Variants in RAI1 observed in about 807,000 individuals in gnomAD.
RAI1 encodes the protein retinoic acid induced 1, also known as retinoic acid-induced protein 1.
Under a neutral mutation model 123.8 loss-of-function variants are expected in RAI1, and 9 were observed. The ratio of observed to expected loss-of-function variants is 0.07; its 90% CI spans 0.04 to 0.13. The LOEUF (loss-of-function observed/expected upper bound fraction) is 0.13. RAI1 is among the 10% of genes least tolerant of loss of function. The probability of loss-of-function intolerance (pLI) is 1.00; values close to 1 mark genes in which losing one functional copy is unlikely to be tolerated. For missense variants in RAI1, 2,256 were observed against 2,545.8 expected, an observed-to-expected ratio of 0.89 and a Z score of 2.45; for synonymous variants, 1,231 against 1,127.3, an observed-to-expected ratio of 1.09 and a Z score of -1.84.
intron 1 of RAI1, among the ~76,000 whole-genome samples, chr17:17,690,407 G>C (rs1468617739): frequency 6.7e-6 from 1 of 149,516 alleles, no homozygotes; most frequent in Non-Finnish European, 1.5e-5. Context: ...AAAAAAAAAG[G>C]AATTTCAGTC....
chr17:17,700,673 A>T (rs1165319396), intron 1 of RAI1, among the ~76,000 whole-genome samples: 1 of 151,992 alleles, frequency 6.6e-6, no homozygotes, highest in Non-Finnish European at 1.5e-5. Flanking sequence ...GGCCTCCGCG[A>T]GGCCGGGCCT....
rs892148305 is a variant in RAI1 at position 17,809,278 on chromosome 17, T to C, written c.5660-112T>C. 8 of 903,910 alleles carry C rather than the reference T, an allele frequency of 8.9e-6. No homozygotes were observed. The African/African-American group carries it at 1.1e-4, about 13-fold the overall frequency. 56.0% of individuals were successfully genotyped at this position (903,910 alleles called of 1,614,324 possible). On this transcript the variant is annotated intron_variant, in intron 4 of 5. Transcript: ENST00000353383. The surrounding 1 kb of genome is among the most constrained non-coding windows in gnomAD (Gnocchi z 4.9). ...TGATTAACTCTTTGAAAAGAGCCCC[T>C]GCAGTCTGGAGCCTCGCGGGCAGTG... is the stretch of plus-strand genomic sequence containing the variant.
rs865874198 is a variant in RAI1, at chr17:17,796,702, A to G, written c.3754A>G (p.Ser1252Gly). ...CCGCAGCAGCAGCAGCAGCAACGCCAGTGGCAATGGGGGAGATGGGAAGGA... is the reference window on the plus strand; with the variant it reads ...CCGCAGCAGCAGCAGCAGCAACGCCGGTGGCAATGGGGGAGATGGGAAGGA... ...RSRSSSSSNA[S>G]GNGGDGKEER... The change falls in exon 3 of 6, where the codon AGT becomes GGT. Residue 1252 changes from serine to glycine, a missense_variant. By Grantham distance (56) the Ser-to-Gly change is moderately conservative. Coordinates refer to ENST00000353383, the MANE Select transcript of RAI1 (RefSeq NM_030665.4). This position sits in a 1 kb window ranked among gnomAD's most constrained non-coding sequence, Gnocchi z 5.8. 8.7e-6 allele frequency: 14 copies of G among 1,613,398 alleles called. No individual in the cohort carries two copies. Among genetic ancestry groups the G allele is most frequent in the African/African-American group, 2.7e-5 (2 of 75,024 alleles).
chr17:17,780,147 C>T (rs1205615786), intron 2 of RAI1, among the ~76,000 whole-genome samples: 1 of 148,072 alleles, frequency 6.8e-6, no homozygotes, highest in Admixed American at 6.9e-5. Context: ...CTCACTGCAA[C>T]CTCCGCCTCC....
At chr17:17,700,519 C>T (rs951550761) in intron 1 of RAI1, among the ~76,000 whole-genome samples, 4 of 152,150 alleles carry the variant, frequency 2.6e-5, no homozygotes, top group Admixed American at 2.0e-4. Context: ...TGGCTGCGAA[C>T]GCGCGGGTTT....
At position 17,718,533 on chromosome 17, in the gene RAI1, G is replaced by A. The variant is rs1915781106; in HGVS notation, c.-148-5495G>A. On this transcript the variant is annotated intron_variant, in intron 1 of 5. Coordinates refer to ENST00000353383, the MANE Select transcript of RAI1 (RefSeq NM_030665.4). ...GAAGGACCATGCCAGCCCCATGTGG[G>A]CAGGGATGCCTGTTCTGTTCCCTGC... 3.3e-5 allele frequency among the ~76,000 whole-genome samples: 5 copies of A among 152,160 alleles called. 1 individual carries two copies.
At chr17:17,709,322 G>A (rs1915490927) in intron 1 of RAI1, among the ~76,000 whole-genome samples, 1 of 152,134 alleles carries the variant, frequency 6.6e-6, no homozygotes, top group Non-Finnish European at 1.5e-5. Flanking sequence ...GCCGTATCAA[G>A]GGGCGATACT....
chr17:17,810,609 C>T lies in RAI1; in HGVS notation c.*628C>T. On this transcript the variant is annotated 3_prime_UTR_variant, in exon 6 of 6. Coordinates refer to ENST00000353383, the MANE Select transcript of RAI1 (RefSeq NM_030665.4). The surrounding 1 kb of genome is among the most constrained non-coding windows in gnomAD (Gnocchi z 4.6). ...AGGGGCCTTCCCGCCCAGCCTTTGCCAGATCTCTCGTGCGGTTCGGGCAAA... is the reference window on the plus strand; with the variant it reads ...AGGGGCCTTCCCGCCCAGCCTTTGCTAGATCTCTCGTGCGGTTCGGGCAAA... The T allele has an allele frequency of 3.0e-6, 1 of 328,734 alleles. No individual in the cohort carries two copies. The highest frequency in any genetic ancestry group is 2.2e-5 in the South Asian group (1 of 45,548). The allele number at this position is 328,734 out of a possible 1,614,324, so 20.4% of individuals were successfully genotyped here. A position where few individuals can be genotyped will look rare whatever the true frequency, so the allele number is the denominator to read the frequency against.
intron 2 of RAI1, among the ~76,000 whole-genome samples, chr17:17,725,261 C>CG (rs779002562): frequency 2.9e-3 from 436 of 152,256 alleles, no homozygotes; most frequent in Non-Finnish European, 4.8e-3. Context: ...CAACCTCAGC[C>CG]TCCTCCCCTC....
At position 17,809,993 on chromosome 17, in the gene RAI1, A is replaced by T. The variant is rs1231561691; in HGVS notation, c.*12A>T. ...AGAGGCTGCCGTAGTAATCCACCCC[A>T]ACGGCCGGAGGAGCCGCCGGAGCCC... On this transcript the variant is annotated 3_prime_UTR_variant, in exon 6 of 6. Coordinates refer to ENST00000353383, the MANE Select transcript of RAI1 (RefSeq NM_030665.4). The surrounding 1 kb of genome is among the most constrained non-coding windows in gnomAD (Gnocchi z 4.9). 5.8e-6 allele frequency: 9 copies of T among 1,548,064 alleles called. No homozygotes were observed. The highest frequency in any genetic ancestry group is 8.7e-7 in the Non-Finnish European group (1 of 1,147,116).
At chr17:17,681,848 G>C in intron 1 of RAI1, 55 bp downstream of exon 1, 1 of 256,356 alleles carries the variant, frequency 3.9e-6, no homozygotes, top group Non-Finnish European at 7.5e-6. Context: ...CCCGGGGCGG[G>C]GGCGGCGCGA....
chr17:17,795,737 C>T lies in RAI1; in HGVS notation c.2789C>T (p.Pro930Leu). 3.1e-6 allele frequency: 5 copies of T among 1,613,482 alleles called. No individual in the cohort carries two copies. Among genetic ancestry groups the T allele is most frequent in the Non-Finnish European group, 4.2e-6 (5 of 1,180,024 alleles). ...GGGGAGTCCGTCATCCTGCTGGGCC[C>T]TACAGTGGGCACCGAGTCAAAGGTC... ...LSGESVILLG[P>L]TVGTESKVQS... The change falls in exon 3 of 6, where the codon CCT becomes CTT. Residue 930 changes from proline (P) to leucine (L), a missense_variant. Coordinates refer to ENST00000353383, the MANE Select transcript of RAI1 (RefSeq NM_030665.4). The surrounding 1 kb of genome is among the most constrained non-coding windows in gnomAD (Gnocchi z 5.9).
At chr17:17,798,776 A>T (rs1464099983) in intron 3 of RAI1, among the ~76,000 whole-genome samples, 2 of 151,810 alleles carry the variant, frequency 1.3e-5, no homozygotes, top group Non-Finnish European at 2.9e-5. Flanking sequence ...CCACTCTCCC[A>T]CTCACCTGGC....
intron 1 of RAI1, among the ~76,000 whole-genome samples, chr17:17,697,934 C>T (rs1915091444): frequency 6.6e-6 from 1 of 152,218 alleles, no homozygotes; most frequent in Admixed American, 6.5e-5. Context: ...CTCTCTCACC[C>T]ACTTTTCATC....
At chr17:17,741,015 C>T (rs1341127987) in intron 2 of RAI1, among the ~76,000 whole-genome samples, 1 of 151,996 alleles carries the variant, frequency 6.6e-6, no homozygotes, top group Admixed American at 6.6e-5. Flanking sequence ...CATACCTGAG[C>T]CGAGACACCA....
intron 2 of RAI1, among the ~76,000 whole-genome samples, chr17:17,774,008 A>G (rs539655092): frequency 6.6e-6 from 1 of 152,318 alleles, no homozygotes; most frequent in Non-Finnish European, 1.5e-5. Context: ...TTACTTACCT[A>G]CTATAGTGCT....
At position 17,798,192 on chromosome 17, in the gene RAI1, C is replaced by T. The variant is rs759411558; in HGVS notation, c.5244C>T (p.Ala1748=). Reference sequence around the variant, plus strand: ...TCAAAGGTCCCGAGTGTGCAGCTGCCGCCACTGCCGGGAAGCCCCCCAGGC... The same window carrying T: ...TCAAAGGTCCCGAGTGTGCAGCTGCTGCCACTGCCGGGAAGCCCCCCAGGC... The part of the protein sequence containing the change: ...RTLKGPECAA[A]ATAGKPPRPD... The change falls in exon 3 of 6, where the codon GCC becomes GCT. Residue 1748 remains alanine (A), a synonymous_variant. Coordinates refer to ENST00000353383, the MANE Select transcript of RAI1 (RefSeq NM_030665.4). 1.7e-5 allele frequency: 28 copies of T among 1,612,554 alleles called. 1 individual carries two copies. The Middle Eastern group carries it at 6.6e-4, about 38-fold the overall frequency.
At chr17:17,758,832 G>T (rs952998128) in intron 2 of RAI1, among the ~76,000 whole-genome samples, 1 of 152,152 alleles carries the variant, frequency 6.6e-6, no homozygotes, top group African/African-American at 2.4e-5. Flanking sequence ...GTGTGTTCTG[G>T]ACAGAGGGAC....
chr17:17,785,575 T>C (rs891116153), intron 2 of RAI1, among the ~76,000 whole-genome samples: 1 of 151,948 alleles, frequency 6.6e-6, no homozygotes, highest in African/African-American at 2.4e-5. Context: ...CCCAGGAGAG[T>C]TGGGGTGGCG....
Sources: gnomAD v4.1 joint callset for allele counts (sites outside exome capture counted in the v4.1 genomes callset) on GRCh38, gnomAD v4.1.1 for gene constraint, Gnocchi (gnomAD v3.1) non-coding constraint, MANE v1.5 for transcripts, NCBI Gene and HGNC (gene_info 2026-07-23, HGNC 2026-07-21) for gene names.